Variants in PTPRN2 observed in about 807,000 individuals in gnomAD.
PTPRN2 encodes the protein receptor-type tyrosine-protein phosphatase N2.
PTPRN2 carries 74 observed loss-of-function variants against 118.8 expected under a neutral mutation model. The ratio of observed to expected loss-of-function variants is 0.62; its 90% CI spans 0.52 to 0.76. The LOEUF (loss-of-function observed/expected upper bound fraction) is 0.76. Ranked by LOEUF, PTPRN2 falls within the 30% of genes least tolerant of loss-of-function variation. The pLI is 0.00. For missense variants in PTPRN2, 1,481 were observed against 1,394.4 expected, an observed-to-expected ratio of 1.06 and a Z score of -0.99; for synonymous variants, 641 against 608.0, an observed-to-expected ratio of 1.05 and a Z score of -0.80.
chr7:157,774,041 G>A (rs1803042730), intron 12 of PTPRN2, among the ~76,000 whole-genome samples: 1 of 152,158 alleles, frequency 6.6e-6, no homozygotes. Flanking sequence ...AACAAGAATG[G>A]GAAATAAGTT....
At chr7:158,468,939 G>C (rs77484475) in intron 2 of PTPRN2, among the ~76,000 whole-genome samples, 168 of 72,672 alleles carry the variant, frequency 2.3e-3, no homozygotes, top group Middle Eastern at 0.019. Flanking sequence ...TGGATCAACA[G>C]TAGGCACACC....
chr7:157,887,333 C>T (rs1796509525), intron 12 of PTPRN2, among the ~76,000 whole-genome samples: 1 of 151,984 alleles, frequency 6.6e-6, no homozygotes, highest in Non-Finnish European at 1.5e-5. Context: ...TAGGAGAAAA[C>T]CATCTGTCAA....
chr7:158,376,429 GA>G lies in PTPRN2; in HGVS notation c.164-59498del, dbSNP rs758887082. 1.4e-3 allele frequency among the ~76,000 whole-genome samples: 205 copies of G among 145,490 alleles called. 1 individual carries two copies. The highest frequency in any genetic ancestry group is 3.5e-3 in the Admixed American group (51 of 14,618). On this transcript the variant is annotated intron_variant, in intron 2 of 22. Transcript: ENST00000389418. ...CCCCCATGGCCCTGTCATACGTCCT[GA>G]GGGAGGGGTTCAGGGGACTCTCCCA...
intron 2 of PTPRN2, among the ~76,000 whole-genome samples, chr7:158,326,684 TC>T (rs1379068118): frequency 2.3e-4 from 31 of 136,628 alleles, no homozygotes; most frequent in African/African-American, 8.1e-4. Flanking sequence ...ACATGCACAG[TC>T]TCACACATGC....
chr7:158,221,906 A>T (rs1828407240), intron 3 of PTPRN2, among the ~76,000 whole-genome samples: 1 of 152,190 alleles, frequency 6.6e-6, no homozygotes, highest in Non-Finnish European at 1.5e-5. Context: ...CCATTAAAAA[A>T]TGGGTAGGAG....
rs1420619976 is a variant in PTPRN2 at position 158,071,400 on chromosome 7, G to A, written c.1723+9898C>T. On this transcript the variant is annotated intron_variant, in intron 11 of 22. Transcript: ENST00000389418. ...GGAGGTGCTCGTGGTGGAGGTGCTC[G>A]TGGTGGAGTTGCTCCTGGTGGTGGA... 1.4e-3 allele frequency among the ~76,000 whole-genome samples: 67 copies of A among 47,990 alleles called. 3 individuals carry two copies. The highest frequency in any genetic ancestry group is 2.9e-3 in the Admixed American group (11 of 3,834). 31.5% of individuals were successfully genotyped at this position (47,990 alleles called of 152,430 possible).
chr7:157,662,974 A>G (rs1737110039), intron 13 of PTPRN2, among the ~76,000 whole-genome samples: 1 of 152,174 alleles, frequency 6.6e-6, no homozygotes, highest in South Asian at 2.1e-4. Flanking sequence ...AGAAGTTCAC[A>G]CCTCATTCAA....
At position 158,226,673 on chromosome 7, in the gene PTPRN2, CT is replaced by C. The variant is rs757950532; in HGVS notation, c.278-21401del. Among the ~76,000 whole-genome samples the C allele has an allele frequency of 5.7e-3, 605 of 106,360 alleles. 7 individuals carry two copies. Among genetic ancestry groups the C allele is most frequent in the African/African-American group, 0.013 (279 of 21,738 alleles). The allele number at this position is 106,360 out of a possible 152,430, so 69.8% of individuals were successfully genotyped here. ...TATGAGGAACGAAGACAGCGCTTCC[CT>C]TTTTTTTTTTTTTTTTTCCGGTGGT... On this transcript the variant is annotated intron_variant, in intron 3 of 22. Transcript: ENST00000389418.
chr7:157,835,189 G>A (rs1325264940), intron 12 of PTPRN2, among the ~76,000 whole-genome samples: 5 of 152,174 alleles, frequency 3.3e-5, no homozygotes, highest in African/African-American at 1.2e-4. Flanking sequence ...GATTTCCTAA[G>A]GTGGCTGGAA....
chr7:157,830,624 G>A (rs1585574866), intron 12 of PTPRN2, among the ~76,000 whole-genome samples: 1 of 152,252 alleles, frequency 6.6e-6, no homozygotes, highest in Non-Finnish European at 1.5e-5. Context: ...CTGAAGACCT[G>A]CATCTGAATC....
At chr7:158,419,461 A>G (rs1030908442) in intron 2 of PTPRN2, among the ~76,000 whole-genome samples, 9 of 68,648 alleles carry the variant, frequency 1.3e-4, no homozygotes, top group Non-Finnish European at 2.6e-4. Context: ...AGGAAGTCTC[A>G]GTCAAGTGCA....
chr7:158,576,627 A>G (rs1310707987), intron 1 of PTPRN2, among the ~76,000 whole-genome samples: 1 of 152,196 alleles, frequency 6.6e-6, no homozygotes, highest in African/African-American at 2.4e-5. Flanking sequence ...CAGCATGGGG[A>G]GCCATGGCTG....
In PTPRN2 at chr7:158,150,025, C is replaced by T. The variant is rs557148136; in HGVS notation, c.911-11510G>A. 6.6e-5 allele frequency among the ~76,000 whole-genome samples: 10 copies of T among 152,236 alleles called. No homozygotes were observed. In the South Asian group the frequency reaches 1.2e-3, roughly 19 times the overall value. ...TTACAGACACATCAGATTTAGGTGG[C>T]GTAGTGTGGCATCAAGGGCATGAAT... On this transcript the variant is annotated intron_variant, in intron 6 of 22. Coordinates refer to ENST00000389418, the MANE Select transcript of PTPRN2 (RefSeq NM_002847.5).
chr7:158,499,805 G>A (rs998262029), intron 1 of PTPRN2, among the ~76,000 whole-genome samples: 50 of 144,636 alleles, frequency 3.5e-4, no homozygotes, highest in South Asian at 4.8e-4. Flanking sequence ...GTGTGTGTGT[G>A]TGTATATATA....
intron 13 of PTPRN2, among the ~76,000 whole-genome samples, chr7:157,678,556 T>C (rs1397491773): frequency 2.6e-5 from 4 of 152,194 alleles, no homozygotes; most frequent in Non-Finnish European, 4.4e-5. Flanking sequence ...CCCAGTCAAC[T>C]GAGCACCCTC....
At chr7:158,228,249 T>G (rs1488282018) in intron 3 of PTPRN2, among the ~76,000 whole-genome samples, 1 of 152,190 alleles carries the variant, frequency 6.6e-6, no homozygotes, top group Non-Finnish European at 1.5e-5. Flanking sequence ...TTATCCCACC[T>G]GGTATCAACT....
chr7:158,460,276 G>A (rs1342979983), intron 2 of PTPRN2, among the ~76,000 whole-genome samples: 3 of 146,838 alleles, frequency 2.0e-5, no homozygotes, highest in Admixed American at 1.3e-4. Context: ...TCATCCAGCT[G>A]CAGAATGGGA....
rs1165786976 is a variant in PTPRN2 at position 157,828,568 on chromosome 7, TCACAGCAAGACCC to T, written c.1788+70092_1788+70104del. Among the ~76,000 whole-genome samples, 460 of 143,764 alleles carry T rather than the reference TCACAGCAAGACCC, an allele frequency of 3.2e-3. 10 individuals are homozygous for T. In the South Asian group the frequency reaches 0.07, roughly 22 times the overall value. 94.3% of individuals were successfully genotyped at this position (143,764 alleles called of 152,430 possible). On this transcript the variant is annotated intron_variant, in intron 12 of 22. Coordinates refer to ENST00000389418, the MANE Select transcript of PTPRN2 (RefSeq NM_002847.5). ...GACGTCCTGGTTACTGCAGGTATGA[TCACAGCAAGACCC>T]TGAGAGATGTCCTGGTTACTGCAGG... is the stretch of plus-strand genomic sequence containing the variant.
Position 158,003,123 on chromosome 7 carries a change from G to A in PTPRN2, c.1723+78175C>T, listed in dbSNP as rs907914696. Reference sequence around the variant, plus strand: ...ACTTGGGGACAGGGCCTCTAAAGAGGTAAAGGTAAGGCCGGGCGCGGTGGC... The same window carrying A: ...ACTTGGGGACAGGGCCTCTAAAGAGATAAAGGTAAGGCCGGGCGCGGTGGC... On this transcript the variant is annotated intron_variant, in intron 11 of 22. Coordinates refer to ENST00000389418, the MANE Select transcript of PTPRN2 (RefSeq NM_002847.5). The surrounding 1 kb of genome is among the most constrained non-coding windows in gnomAD (Gnocchi z 5.0). Among the ~76,000 whole-genome samples the A allele has an allele frequency of 1.3e-5, 2 of 152,196 alleles. No homozygotes were observed. Among genetic ancestry groups the A allele is most frequent in the African/African-American group, 2.4e-5 (1 of 41,462 alleles).
Sources: gnomAD v4.1 joint callset for allele counts (sites outside exome capture counted in the v4.1 genomes callset) on GRCh38, gnomAD v4.1.1 for gene constraint, Gnocchi (gnomAD v3.1) non-coding constraint, MANE v1.5 for transcripts, NCBI Gene and HGNC (gene_info 2026-07-23, HGNC 2026-07-21) for gene names.